The following NRG1 variants were observed in gnomAD, a reference collection of about 807,000 sequenced individuals.
The protein encoded by NRG1 is pro-neuregulin-1, membrane-bound isoform.
In NRG1, 18 loss-of-function variants were observed where a neutral mutation model predicts 63.8. The ratio of observed to expected loss-of-function variants is 0.28; its 90% CI spans 0.19 to 0.42. NRG1 has a LOEUF of 0.42. Among genes scored for constraint, NRG1 ranks in the 10% least tolerant of loss-of-function variants. NRG1 has a pLI of 1.00. For missense variants in NRG1, 762 were observed against 814.7 expected, an observed-to-expected ratio of 0.94 and a Z score of 0.79; for synonymous variants, 302 against 301.3, an observed-to-expected ratio of 1.00 and a Z score of -0.02.
intron 1 of NRG1, among the ~76,000 whole-genome samples, chr8:32,381,062 C>T (rs984575353): frequency 6.6e-6 from 1 of 152,158 alleles, no homozygotes; most frequent in African/African-American, 2.4e-5. Flanking sequence ...TCTTCATGGT[C>T]ACTTTTATAC....
chr8:31,773,722 A>C (rs561787944), intron 1 of NRG1, among the ~76,000 whole-genome samples: 1 of 152,176 alleles, frequency 6.6e-6, no homozygotes, highest in Admixed American at 6.5e-5. Flanking sequence ...CTCTCTCCAT[A>C]TATAAGTCCT....
At chr8:32,764,652 T>G (rs1218642167) in exon 12 of NRG1, 3 of 312,842 alleles carry the variant, frequency 9.6e-6, no homozygotes, top group Non-Finnish European at 1.2e-5. Flanking sequence ...GCAAGTTTTG[T>G]ACAGTTACAG....
chr8:32,137,964 AAT>A (rs1472761288), intron 1 of NRG1, among the ~76,000 whole-genome samples: 1 of 152,134 alleles, frequency 6.6e-6, no homozygotes, highest in Non-Finnish European at 1.5e-5. Context: ...AGTCACCTAA[AAT>A]ATATCCTGTG....
chr8:32,067,141 C>T (rs1824971701), intron 1 of NRG1, among the ~76,000 whole-genome samples: 1 of 152,138 alleles, frequency 6.6e-6, no homozygotes, highest in Non-Finnish European at 1.5e-5. Flanking sequence ...CAAACAGGGA[C>T]AATTTGACTT....
intron 1 of NRG1, among the ~76,000 whole-genome samples, chr8:31,677,948 T>G (rs527903784): frequency 1.6e-4 from 24 of 152,234 alleles, no homozygotes; most frequent in Non-Finnish European, 3.4e-4. Context: ...TTTATTCCCT[T>G]TCCTATCTTT....
intron 1 of NRG1, among the ~76,000 whole-genome samples, chr8:32,158,448 G>GATATAGATATATATATATAT (rs1554641399): frequency 3.9e-4 from 24 of 62,194 alleles, no homozygotes; most frequent in Middle Eastern, 9.4e-3. Context: ...TGGTTTACAT[G>GATATAGATATATATATATAT]ATATATATAT....
At chr8:32,513,702 C>T (rs1829493529) in intron 1 of NRG1, among the ~76,000 whole-genome samples, 1 of 152,058 alleles carries the variant, frequency 6.6e-6, no homozygotes, top group African/African-American at 2.4e-5. Context: ...TTTCCAACAG[C>T]ATTTTTATAT....
chr8:31,930,599 G>A (rs1433199837), intron 1 of NRG1, among the ~76,000 whole-genome samples: 1 of 152,174 alleles, frequency 6.6e-6, no homozygotes, highest in South Asian at 2.1e-4. Flanking sequence ...TAGTGTCTGG[G>A]ATCGGTGGAT....
intron 1 of NRG1, among the ~76,000 whole-genome samples, chr8:31,941,396 C>A (rs28831791): frequency 0.032 from 4,838 of 152,106 alleles, 275 homozygotes; most frequent in African/African-American, 0.11. Context: ...AGGGTCATAC[C>A]TTAAGGTAAT....
At chr8:32,761,199 G>T (rs1830617236) in intron 11 of NRG1, among the ~76,000 whole-genome samples, 1 of 152,210 alleles carries the variant, frequency 6.6e-6, no homozygotes, top group Non-Finnish European at 1.5e-5. Context: ...TTTCACCTGA[G>T]CTGGAAGATG....
At chr8:32,483,377 G>T (rs1485280840) in intron 1 of NRG1, among the ~76,000 whole-genome samples, 1 of 152,146 alleles carries the variant, frequency 6.6e-6, no homozygotes, top group Non-Finnish European at 1.5e-5. Flanking sequence ...TAAACCAAAA[G>T]AATTGTAGTG....
At chr8:32,474,386 GCGGTCTCTATTCTACAGGCATGCA>G in intron 1 of NRG1, among the ~76,000 whole-genome samples, 1 of 152,248 alleles carries the variant, frequency 6.6e-6, no homozygotes, top group African/African-American at 2.4e-5. Context: ...TCTCTCCCAT[GCGGTCTCTATTCTACAGGCATGCA>G]GATATTTCCA....
At chr8:32,225,441 A>T (rs1283810862) in intron 1 of NRG1, among the ~76,000 whole-genome samples, 1 of 152,168 alleles carries the variant, frequency 6.6e-6, no homozygotes, top group Admixed American at 6.5e-5. Flanking sequence ...AGGAATGCTA[A>T]AACTATTTTA....
rs1288902267 is a variant in NRG1 at position 32,742,875 on chromosome 8, G to A, written c.691+142G>A. The A allele has an allele frequency of 1.9e-5, 29 of 1,558,424 alleles. No homozygotes were observed. Among genetic ancestry groups the A allele is most frequent in the Middle Eastern group, 3.4e-4 (2 of 5,804 alleles). On this transcript the variant is annotated intron_variant, in intron 7 of 11. Transcript: ENST00000356819. The surrounding 1 kb of genome is among the most constrained non-coding windows in gnomAD (Gnocchi z 4.2). ...CTAATATTGACTGCCTCTGCCTGTCGCATGAGAACATTAACAAAAGCAATT... is the reference window on the plus strand; with the variant it reads ...CTAATATTGACTGCCTCTGCCTGTCACATGAGAACATTAACAAAAGCAATT...
chr8:32,561,823 T>A (rs1413484057), intron 1 of NRG1, among the ~76,000 whole-genome samples: 3 of 151,724 alleles, frequency 2.0e-5, no homozygotes, highest in Non-Finnish European at 4.4e-5. Context: ...ATTAGGGGAT[T>A]TGTTTATATT....
intron 1 of NRG1, chr8:32,063,484 A>G (rs1382721628): frequency 6.6e-6 from 1 of 152,104 alleles, no homozygotes; most frequent in African/African-American, 2.4e-5. Context: ...GATCTTGACA[A>G]TTGTCTTGGA....
chr8:32,536,061 G>A (rs1831934672), intron 1 of NRG1, among the ~76,000 whole-genome samples: 1 of 152,152 alleles, frequency 6.6e-6, no homozygotes, highest in Non-Finnish European at 1.5e-5. Flanking sequence ...GTAACACATT[G>A]CCCAATGCAA....
chr8:32,294,119 C>T (rs1272415058), intron 1 of NRG1, among the ~76,000 whole-genome samples: 1 of 151,948 alleles, frequency 6.6e-6, no homozygotes, highest in African/African-American at 2.4e-5. Context: ...CCTTTTCTGA[C>T]TCCGTAGGAT....
At chr8:31,973,422 C>A (rs1313430017) in intron 1 of NRG1, among the ~76,000 whole-genome samples, 1 of 152,150 alleles carries the variant, frequency 6.6e-6, no homozygotes, top group Non-Finnish European at 1.5e-5. Context: ...TACCATATGC[C>A]ACACTGAAGC....
Sources: allele counts gnomAD v4.1 joint callset (sites outside exome capture counted in the v4.1 genomes callset), GRCh38; gene constraint gnomAD v4.1.1; non-coding constraint Gnocchi (gnomAD v3.1); transcripts MANE v1.5; gene names NCBI Gene and HGNC (gene_info 2026-07-23, HGNC 2026-07-21).